The following CHST9 variants were observed in gnomAD, a reference collection of about 807,000 sequenced individuals.
CHST9 encodes the protein carbohydrate sulfotransferase 9.
CHST9 carries 41 observed loss-of-function variants against 44.4 expected under a neutral mutation model. That is an observed-to-expected ratio of 0.92 (90% confidence interval 0.72 to 1.20). The LOEUF (loss-of-function observed/expected upper bound fraction) is 1.20, where lower values mean the gene tolerates loss of function less well. Among genes scored for constraint, CHST9 ranks in the 50% most tolerant of loss-of-function variants. CHST9 has a pLI of 0.00. For missense variants in CHST9, 504 were observed against 516.5 expected (o/e 0.98, Z 0.23); for synonymous variants, 171 against 178.4 (o/e 0.96, Z 0.33).
chr18:27,027,907 T>C (rs1598651377), intron 3 of CHST9, among the ~76,000 whole-genome samples: 1 of 152,192 alleles, frequency 6.6e-6, no homozygotes, highest in East Asian at 1.9e-4. Context: ...TATTTTATTT[T>C]GTATTTTTTT....
intron 4 of CHST9, among the ~76,000 whole-genome samples, chr18:27,008,520 C>T (rs546091220): frequency 6.6e-6 from 1 of 152,142 alleles, no homozygotes; most frequent in Non-Finnish European, 1.5e-5. Context: ...AAATGTAGTT[C>T]TTTCTCTAGT....
intron 2 of CHST9, among the ~76,000 whole-genome samples, chr18:27,091,752 T>A (rs2058071165): frequency 6.6e-6 from 1 of 152,258 alleles, no homozygotes; most frequent in Non-Finnish European, 1.5e-5. Context: ...TTATGTTTAT[T>A]GATTTGCATA....
chr18:26,955,351 A>G (rs1253439894), intron 4 of CHST9, among the ~76,000 whole-genome samples: 1 of 152,090 alleles, frequency 6.6e-6, no homozygotes, highest in Non-Finnish European at 1.5e-5. Flanking sequence ...TTACAAGATC[A>G]TGATTTGCAA....
At chr18:27,179,942 A>T (rs1024545699) in intron 1 of CHST9, among the ~76,000 whole-genome samples, 7 of 152,162 alleles carry the variant, frequency 4.6e-5, no homozygotes, top group African/African-American at 1.7e-4. Context: ...ATTAGTTAAC[A>T]ACATGGAAAT....
chr18:27,050,419 A>G (rs2057552342), intron 2 of CHST9, among the ~76,000 whole-genome samples: 1 of 152,274 alleles, frequency 6.6e-6, no homozygotes. Flanking sequence ...TTTGTCATCT[A>G]TCAACATTCC....
At chr18:27,022,803 G>A (rs538782975) in intron 4 of CHST9, among the ~76,000 whole-genome samples, 32 of 152,154 alleles carry the variant, frequency 2.1e-4, no homozygotes, top group Non-Finnish European at 4.3e-4. Flanking sequence ...CATTCCCAAA[G>A]CACTTTGTTT....
intron 2 of CHST9, among the ~76,000 whole-genome samples, chr18:27,134,184 G>A (rs972650753): frequency 6.6e-6 from 1 of 152,146 alleles, no homozygotes; most frequent in Admixed American, 6.6e-5. Flanking sequence ...TCATCAGAGA[G>A]GCTCAGGGGA....
chr18:27,024,149 G>A lies in CHST9; in HGVS notation c.169C>T (p.Pro57Ser), dbSNP rs2057257511. The A allele has an allele frequency of 6.2e-7, 1 of 1,610,352 alleles. No homozygotes were observed. The highest frequency in any genetic ancestry group is 1.3e-5 in the African/African-American group (1 of 74,742). The change falls in exon 4 of 6, where the codon CCA becomes TCA. Residue 57 changes from proline (P) to serine (S), a missense_variant. Pro to Ser is a moderately conservative substitution (Grantham distance 74, BLOSUM62 -1). Coordinates refer to ENST00000618847, the MANE Select transcript of CHST9 (RefSeq NM_031422.6). The part of the protein sequence containing the change: ...REQKVTSGWG[P>S]VKYLRPVPRI... ...GGTACAGGCCGCAAGTACTTCACTGGTCCCCATCCTGAAAAAGAAGAGGAA... is the reference window on the plus strand; with the variant it reads ...GGTACAGGCCGCAAGTACTTCACTGATCCCCATCCTGAAAAAGAAGAGGAA...
At chr18:27,168,835 G>A (rs758053313) in intron 1 of CHST9, among the ~76,000 whole-genome samples, 27 of 152,166 alleles carry the variant, frequency 1.8e-4, no homozygotes, top group Admixed American at 1.6e-3. Flanking sequence ...TTCTTAATAA[G>A]TTGACTTTGA....
At position 27,158,837 on chromosome 18, in the gene CHST9, G is replaced by T. The variant is rs545219434; in HGVS notation, c.-96-15932C>A. On this transcript the variant is annotated intron_variant, in intron 1 of 5. Coordinates refer to ENST00000618847, the MANE Select transcript of CHST9 (RefSeq NM_031422.6). ...TGGTATCTCATTGTGGTTTTGATTTGCATTTCTCTGATGGCCAGTGATGAT... is the reference window on the plus strand; with the variant it reads ...TGGTATCTCATTGTGGTTTTGATTTTCATTTCTCTGATGGCCAGTGATGAT... Among the ~76,000 whole-genome samples, 48 of 152,026 alleles carry T rather than the reference G, an allele frequency of 3.2e-4. No individual in the cohort carries two copies. The East Asian group carries it at 9.3e-3, about 29-fold the overall frequency.
At chr18:27,175,890 C>T (rs1598781089) in intron 1 of CHST9, among the ~76,000 whole-genome samples, 1 of 152,018 alleles carries the variant, frequency 6.6e-6, no homozygotes, top group Non-Finnish European at 1.5e-5. Flanking sequence ...ACAATGGATA[C>T]AGATACATAA....
intron 4 of CHST9, among the ~76,000 whole-genome samples, chr18:27,010,872 C>T (rs2057075462): frequency 6.6e-6 from 1 of 152,094 alleles, no homozygotes; most frequent in Admixed American, 6.5e-5. Context: ...TGGCCATGAG[C>T]TGTCTCAAGG....
At chr18:27,132,949 T>C (rs1260232652) in intron 2 of CHST9, among the ~76,000 whole-genome samples, 1 of 152,192 alleles carries the variant, frequency 6.6e-6, no homozygotes, top group Admixed American at 6.5e-5. Flanking sequence ...AGAAAACAGC[T>C]GAACAAGCTT....
chr18:27,169,809 G>A (rs12455523), intron 1 of CHST9, among the ~76,000 whole-genome samples: 62,254 of 151,498 alleles, frequency 0.41, 13,196 homozygotes, highest in East Asian at 0.62. Flanking sequence ...GGATTTCACC[G>A]TGTTAGCCAG....
rs771850700 is a variant in CHST9, at chr18:26,913,482, A to G, written c.*2777T>C. 2.0e-5 allele frequency: 3 copies of G among 152,338 alleles called. No individual in the cohort carries two copies. The highest frequency in any genetic ancestry group is 2.0e-4 in the Admixed American group (3 of 15,300). 9.4% of individuals were successfully genotyped at this position (152,338 alleles called of 1,614,324 possible). A position where few individuals can be genotyped will look rare whatever the true frequency, so the allele number is the denominator to read the frequency against. ...CATCTATAGATAGTTTACAGGTTAC[A>G]TAACTGTGGTTTTGGATTTAATTGC... On this transcript the variant is annotated 3_prime_UTR_variant, in exon 6 of 6. Coordinates refer to ENST00000618847, the MANE Select transcript of CHST9 (RefSeq NM_031422.6).
chr18:27,093,313 T>C (rs1379965367), intron 2 of CHST9, among the ~76,000 whole-genome samples: 1 of 152,294 alleles, frequency 6.6e-6, no homozygotes, highest in East Asian at 1.9e-4. Context: ...TCTGCAGAAG[T>C]TGTTTGCTGT....
chr18:27,143,602 TA>T (rs34245519), intron 1 of CHST9, among the ~76,000 whole-genome samples: 2 of 151,826 alleles, frequency 1.3e-5, no homozygotes, highest in Admixed American at 1.3e-4. Flanking sequence ...TTATTTTTTT[TA>T]AAAAAATTGC....
At chr18:27,029,259 T>A (rs2057315493) in intron 3 of CHST9, among the ~76,000 whole-genome samples, 1 of 152,182 alleles carries the variant, frequency 6.6e-6, no homozygotes, top group African/African-American at 2.4e-5. Flanking sequence ...TTTCCTTGAG[T>A]TAACCCATGT....
chr18:26,974,955 A>G (rs1259016532), intron 4 of CHST9, among the ~76,000 whole-genome samples: 2 of 152,210 alleles, frequency 1.3e-5, no homozygotes, highest in African/African-American at 2.4e-5. Context: ...GATTACAGGC[A>G]TGAGCCACTG....
Sources: allele counts gnomAD v4.1 joint callset (sites outside exome capture counted in the v4.1 genomes callset), GRCh38; gene constraint gnomAD v4.1.1; transcripts MANE v1.5; gene names NCBI Gene and HGNC (gene_info 2026-07-23, HGNC 2026-07-21).